Variants in PLD5 observed in about 807,000 individuals in gnomAD.
PLD5 encodes inactive phospholipase D5.
Under a neutral mutation model 61.1 loss-of-function variants are expected in PLD5, and 36 were observed. That is an observed-to-expected ratio of 0.59 (90% CI 0.45 to 0.78). The LOEUF is 0.78. Among genes scored for constraint, PLD5 ranks in the 30% least tolerant of loss-of-function variants. The pLI, the probability that PLD5 is intolerant of heterozygous loss-of-function variation, is 0.00. For synonymous variants in PLD5, 243 were observed against 242.8 expected (o/e 1.00, Z -0.01); for missense variants, 515 against 644.4 (o/e 0.80, Z 2.17).
chr1:242,432,836 G>A (rs1214095314), intron 1 of PLD5, among the ~76,000 whole-genome samples: 1 of 152,120 alleles, frequency 6.6e-6, no homozygotes, highest in Non-Finnish European at 1.5e-5. Context: ...AAAAGCCAAA[G>A]AGACAAAAGG....
At chr1:242,115,270 T>C (rs996807634) in intron 6 of PLD5, among the ~76,000 whole-genome samples, 11 of 152,306 alleles carry the variant, frequency 7.2e-5, no homozygotes, top group African/African-American at 2.6e-4. Flanking sequence ...CCCTGGTCCA[T>C]GGAAAAACTG....
intron 1 of PLD5, among the ~76,000 whole-genome samples, chr1:242,359,480 A>G (rs922832278): frequency 4.6e-5 from 7 of 152,184 alleles, no homozygotes; most frequent in African/African-American, 1.7e-4. Context: ...TACACTGTGG[A>G]GTTTCAATAA....
At chr1:242,408,946 A>C (rs111342668) in intron 1 of PLD5, among the ~76,000 whole-genome samples, 24 of 152,094 alleles carry the variant, frequency 1.6e-4, no homozygotes, top group Admixed American at 1.3e-4. Flanking sequence ...AGGTGCCTGT[A>C]ATCCCAGCTA....
chr1:242,408,952 A>G (rs940990322), intron 1 of PLD5, among the ~76,000 whole-genome samples: 1 of 152,156 alleles, frequency 6.6e-6, no homozygotes. Flanking sequence ...CTGTAATCCC[A>G]GCTACTCGGG....
intron 5 of PLD5, among the ~76,000 whole-genome samples, chr1:242,217,961 C>T (rs1670316891): frequency 1.3e-5 from 2 of 152,276 alleles, no homozygotes; most frequent in East Asian, 1.9e-4. Context: ...ATTACATAAA[C>T]TTAGTTGATA....
chr1:242,431,183 C>CA (rs1665696539), intron 1 of PLD5, among the ~76,000 whole-genome samples: 1 of 152,202 alleles, frequency 6.6e-6, no homozygotes, highest in Non-Finnish European at 1.5e-5. Context: ...CTCATTTTGT[C>CA]ATGCAAAACT....
At chr1:242,277,481 A>AG (rs1166173346) in intron 3 of PLD5, among the ~76,000 whole-genome samples, 10 of 114,866 alleles carry the variant, frequency 8.7e-5, no homozygotes. Flanking sequence ...AGTAAGAAAA[A>AG]AACGCACAGA....
At chr1:242,147,227 G>T (rs968358580) in intron 5 of PLD5, among the ~76,000 whole-genome samples, 6 of 152,108 alleles carry the variant, frequency 3.9e-5, no homozygotes, top group African/African-American at 1.2e-4. Context: ...CTGTAGTTTG[G>T]CTTTCTTAAG....
In PLD5 at chr1:242,142,710, G is replaced by GTCTTTCTC. The variant is rs1403024381; in HGVS notation, c.736-18053_736-18046dup. On this transcript the variant is annotated intron_variant, in intron 5 of 9. Transcript: ENST00000536534. ...CAAATGCTGTAAGGTGTAGAGCTGT[G>GTCTTTCTC]TCTTTCTCTCTCTCTCTCTCTCTCT... Among the ~76,000 whole-genome samples, 373 of 74,568 alleles carry GTCTTTCTC rather than the reference G, an allele frequency of 5.0e-3. 3 individuals are homozygous for GTCTTTCTC. The highest frequency in any genetic ancestry group is 0.029 in the African/African-American group (354 of 12,158). 48.9% of individuals were successfully genotyped at this position (74,568 alleles called of 152,430 possible).
intron 5 of PLD5, among the ~76,000 whole-genome samples, chr1:242,191,181 T>C (rs149590947): frequency 6.8e-4 from 104 of 152,178 alleles, no homozygotes; most frequent in African/African-American, 2.3e-3. Flanking sequence ...TACCTGCTTT[T>C]TTCAGTTAGG....
chr1:242,134,992 A>G (rs1663598488), intron 5 of PLD5, among the ~76,000 whole-genome samples: 1 of 152,204 alleles, frequency 6.6e-6, no homozygotes, highest in Non-Finnish European at 1.5e-5. Flanking sequence ...TGGATAGAGC[A>G]AGGACTCAGG....
intron 4 of PLD5, among the ~76,000 whole-genome samples, chr1:242,261,165 TC>T (rs969629094): frequency 7.2e-5 from 11 of 152,178 alleles, no homozygotes; most frequent in African/African-American, 2.7e-4. Context: ...ATGGCATTGG[TC>T]CTGGGATAAA....
At chr1:242,169,094 C>T (rs1666551772) in intron 5 of PLD5, among the ~76,000 whole-genome samples, 1 of 151,832 alleles carries the variant, frequency 6.6e-6, no homozygotes, top group Non-Finnish European at 1.5e-5. Context: ...TGAAGCCTAC[C>T]TTTCTCAGGC....
At chr1:242,346,680 G>A (rs1660156486) in intron 2 of PLD5, among the ~76,000 whole-genome samples, 2 of 152,112 alleles carry the variant, frequency 1.3e-5, no homozygotes, top group South Asian at 2.1e-4. Flanking sequence ...ACAAGTGCAG[G>A]ATGTGCAGGT....
At chr1:242,364,189 C>T (rs979340892) in intron 1 of PLD5, among the ~76,000 whole-genome samples, 6 of 151,864 alleles carry the variant, frequency 4.0e-5, no homozygotes, top group Non-Finnish European at 7.4e-5. Context: ...GAAATTCTAA[C>T]GTCTTCAGTT....
intron 4 of PLD5, among the ~76,000 whole-genome samples, chr1:242,257,650 T>C (rs1425299687): frequency 6.6e-6 from 1 of 152,186 alleles, no homozygotes; most frequent in African/African-American, 2.4e-5. Context: ...AAAAAATAAG[T>C]ATATGAAATA....
intron 1 of PLD5, among the ~76,000 whole-genome samples, chr1:242,456,846 T>C (rs1666958143): frequency 1.3e-5 from 2 of 152,204 alleles, no homozygotes; most frequent in Non-Finnish European, 2.9e-5. Flanking sequence ...GAGTGAGTGC[T>C]CTTCAGGTTA....
intron 1 of PLD5, among the ~76,000 whole-genome samples, chr1:242,491,390 T>C (rs1204531200): frequency 6.6e-6 from 1 of 152,208 alleles, no homozygotes. Context: ...CGTGTGCATG[T>C]GCGCACACAC....
chr1:242,215,361 G>A (rs951892771), intron 5 of PLD5, among the ~76,000 whole-genome samples: 11 of 151,852 alleles, frequency 7.2e-5, no homozygotes, highest in South Asian at 2.1e-4. Context: ...AAACATGCCC[G>A]TTCAACTCTT....
Sources: gnomAD v4.1 joint callset for allele counts (sites outside exome capture counted in the v4.1 genomes callset) on GRCh38, gnomAD v4.1.1 for gene constraint, MANE v1.5 for transcripts, NCBI Gene and HGNC (gene_info 2026-07-23, HGNC 2026-07-21) for gene names.